The following FAXC variants were observed in gnomAD, a reference collection of about 807,000 sequenced individuals.
FAXC encodes the protein failed axon connections homolog, metaxin like GST domain containing, also known as failed axon connections homolog.
In FAXC, 10 loss-of-function variants were observed where a neutral mutation model predicts 41.9. The ratio of observed to expected loss-of-function variants is 0.24; its 90% CI spans 0.15 to 0.41. The LOEUF (loss-of-function observed/expected upper bound fraction) is 0.41, where lower values mean the gene tolerates loss of function less well. FAXC is among the 10% of genes least tolerant of loss of function. FAXC has a pLI of 1.00. For missense variants in FAXC, 399 were observed against 510.9 expected (o/e 0.78, Z 2.11); for synonymous variants, 183 against 183.8 (o/e 1.00, Z 0.03).
chr6:99,289,350 G>A (rs1193520866), intron 5 of FAXC, among the ~76,000 whole-genome samples: 1 of 152,038 alleles, frequency 6.6e-6, no homozygotes, highest in Non-Finnish European at 1.5e-5. Flanking sequence ...CCCATTGAAA[G>A]CTAAAAATAT....
chr6:99,343,100 T>C, intron 1 of FAXC, 67 bp from the exon 2 acceptor site: 1 of 1,448,762 alleles, frequency 6.9e-7, no homozygotes, highest in Non-Finnish European at 9.3e-7. Flanking sequence ...CCTTATTTCT[T>C]GAGAGGACCC....
chr6:99,327,112 C>T (rs567546390), intron 3 of FAXC, among the ~76,000 whole-genome samples: 23 of 152,256 alleles, frequency 1.5e-4, no homozygotes, highest in African/African-American at 4.8e-4. Flanking sequence ...TCTATCTTGC[C>T]CTTGATTTTT....
intron 4 of FAXC, among the ~76,000 whole-genome samples, chr6:99,302,139 G>A (rs932335134): frequency 3.3e-5 from 5 of 152,148 alleles, no homozygotes; most frequent in African/African-American, 7.2e-5. Flanking sequence ...TCACTCACAC[G>A]GTTGTTAGTA....
Position 99,275,767 on chromosome 6 carries a change from C to A in FAXC, c.*5397G>T, listed in dbSNP as rs1295077021. 6.6e-6 allele frequency: 1 copy of A among 152,052 alleles called. No homozygotes were observed. Among genetic ancestry groups the A allele is most frequent in the Non-Finnish European group, 1.5e-5 (1 of 68,012 alleles). The allele number at this position is 152,052 out of a possible 1,614,324, so 9.4% of individuals were successfully genotyped here. A position where few individuals can be genotyped will look rare whatever the true frequency, so the allele number is the denominator to read the frequency against. On this transcript the variant is annotated 3_prime_UTR_variant, in exon 6 of 6. Coordinates refer to ENST00000389677, the MANE Select transcript of FAXC (RefSeq NM_032511.4). ...TTAAGATATTCTTGAAAGTCAGGGA[C>A]CAAAAATCTGAGTTTCTGGGTAAGG...
At position 99,323,727 on chromosome 6, in the gene FAXC, T is replaced by C. The variant is rs116807077; in HGVS notation, c.600-60A>G. 1.4e-4 allele frequency: 184 copies of C among 1,333,610 alleles called. No individual in the cohort carries two copies. The African/African-American group carries it at 2.1e-3, about 15-fold the overall frequency. The allele number at this position is 1,333,610 out of a possible 1,614,324, so 82.6% of individuals were successfully genotyped here. Reference sequence around the variant, plus strand: ...TCAGGTACATATCAGCTCCACAGGGTCACTTTAGAATGAGTCGTTCAGAAT... The same window carrying C: ...TCAGGTACATATCAGCTCCACAGGGCCACTTTAGAATGAGTCGTTCAGAAT... On this transcript the variant is annotated intron_variant, in intron 3 of 5. Transcript: ENST00000389677.
At chr6:99,304,271 A>G (rs923849781) in intron 4 of FAXC, among the ~76,000 whole-genome samples, 3 of 152,084 alleles carry the variant, frequency 2.0e-5, no homozygotes, top group Non-Finnish European at 4.4e-5. Flanking sequence ...GGGCAAAAAG[A>G]GCAAAATTCT....
intron 4 of FAXC, chr6:99,309,927 C>A: frequency 1.0e-6 from 1 of 984,240 alleles, no homozygotes. Context: ...AAACCACCAA[C>A]GTAAACACAC....
At chr6:99,289,257 C>T (rs983581494) in intron 5 of FAXC, among the ~76,000 whole-genome samples, 1 of 152,190 alleles carries the variant, frequency 6.6e-6, no homozygotes, top group Non-Finnish European at 1.5e-5. Context: ...TCCCATGCAA[C>T]TATGCAGGGG....
At chr6:99,311,964 T>C (rs993246762) in intron 4 of FAXC, among the ~76,000 whole-genome samples, 4 of 152,208 alleles carry the variant, frequency 2.6e-5, no homozygotes, top group Non-Finnish European at 1.5e-5. Flanking sequence ...CTCCATACTA[T>C]CCATGCCCAG....
intron 4 of FAXC, among the ~76,000 whole-genome samples, chr6:99,311,281 A>C (rs933491697): frequency 1.6e-4 from 25 of 152,214 alleles, no homozygotes; most frequent in Non-Finnish European, 3.4e-4. Context: ...CAGAGAGTGA[A>C]CATAAAATCA....
At chr6:99,310,157 A>G (rs1377642594) in intron 4 of FAXC, among the ~76,000 whole-genome samples, 1 of 152,204 alleles carries the variant, frequency 6.6e-6, no homozygotes, top group Non-Finnish European at 1.5e-5. Flanking sequence ...GGTTTTTGAC[A>G]TGGAAAGAAG....
At chr6:99,344,930 T>A (rs1428570779) in intron 1 of FAXC, among the ~76,000 whole-genome samples, 1 of 152,238 alleles carries the variant, frequency 6.6e-6, no homozygotes, top group Non-Finnish European at 1.5e-5. Flanking sequence ...CTACCAAGCA[T>A]ATGCTAATGA....
At chr6:99,285,618 T>C (rs1771003677) in intron 5 of FAXC, among the ~76,000 whole-genome samples, 1 of 152,236 alleles carries the variant, frequency 6.6e-6, no homozygotes, top group Non-Finnish European at 1.5e-5. Flanking sequence ...AACTATACCT[T>C]TGTAATTCAA....
chr6:99,295,414 G>A (rs1771444763), intron 4 of FAXC, among the ~76,000 whole-genome samples: 1 of 152,234 alleles, frequency 6.6e-6, no homozygotes, highest in African/African-American at 2.4e-5. Flanking sequence ...ATGTGAATTA[G>A]TGGACTGAGT....
chr6:99,295,601 G>C (rs1245430775), intron 4 of FAXC, among the ~76,000 whole-genome samples: 1 of 152,176 alleles, frequency 6.6e-6, no homozygotes, highest in African/African-American at 2.4e-5. Context: ...TCATCCTGCA[G>C]ATCTTGGGAC....
Position 99,278,199 on chromosome 6 carries a change from A to G in FAXC, c.*2965T>C, listed in dbSNP as rs1770698484. On this transcript the variant is annotated 3_prime_UTR_variant, in exon 6 of 6. Transcript: ENST00000389677. The stretch of plus-strand genomic sequence containing the variant: ...CAACAAATTGGTAAATGCTGACAAT[A>G]TAGTTCATCATTGCATAAATATAGA... 6.6e-6 allele frequency: 1 copy of G among 152,224 alleles called. No homozygotes were observed. Among genetic ancestry groups the G allele is most frequent in the African/African-American group, 2.4e-5 (1 of 41,460 alleles). The allele number at this position is 152,224 out of a possible 1,614,324, so 9.4% of individuals were successfully genotyped here. A position where few individuals can be genotyped will look rare whatever the true frequency, so the allele number is the denominator to read the frequency against.
intron 2 of FAXC, chr6:99,334,744 A>T (rs1204362679): frequency 4.9e-6 from 1 of 205,030 alleles, no homozygotes; most frequent in East Asian, 1.9e-4. Context: ...AATGCAAATG[A>T]GACCCAAGAA....
intron 3 of FAXC, among the ~76,000 whole-genome samples, chr6:99,326,741 T>C (rs1250351819): frequency 6.6e-6 from 1 of 152,050 alleles, no homozygotes; most frequent in Non-Finnish European, 1.5e-5. Context: ...TGGAGAGAAG[T>C]AGGGGCATCT....
chr6:99,271,887 TC>T lies in FAXC; in HGVS notation c.*9276del, dbSNP rs1349502181. ...AAATTTTAAGATAGAATTTGAAACA[TC>T]CTGCATGTCTCTATAGATCTTGACA... On this transcript the variant is annotated 3_prime_UTR_variant, in exon 6 of 6. Coordinates refer to ENST00000389677, the MANE Select transcript of FAXC (RefSeq NM_032511.4). The T allele has an allele frequency of 6.6e-6, 1 of 152,210 alleles. No homozygotes were observed. The highest frequency in any genetic ancestry group is 1.9e-4 in the East Asian group (1 of 5,190). The allele number at this position is 152,210 out of a possible 1,614,324, so 9.4% of individuals were successfully genotyped here. A position where few individuals can be genotyped will look rare whatever the true frequency, so the allele number is the denominator to read the frequency against.
Sources: gnomAD v4.1 joint callset for allele counts (sites outside exome capture counted in the v4.1 genomes callset) on GRCh38, gnomAD v4.1.1 for gene constraint, MANE v1.5 for transcripts, NCBI Gene and HGNC (gene_info 2026-07-23, HGNC 2026-07-21) for gene names.